The following MEGF10 variants were observed in gnomAD, a reference collection of about 807,000 sequenced individuals.
MEGF10 encodes the protein multiple EGF like domains 10, also known as multiple epidermal growth factor-like domains protein 10.
In MEGF10, 86 loss-of-function variants were observed where a neutral mutation model predicts 147.5. The ratio of observed to expected loss-of-function variants is 0.58; its 90% CI spans 0.49 to 0.70. The LOEUF is 0.70. Among genes scored for constraint, MEGF10 ranks in the 30% least tolerant of loss-of-function variants. The probability of loss-of-function intolerance (pLI) is 0.00; values close to 1 mark genes in which losing one functional copy is unlikely to be tolerated. For synonymous variants in MEGF10, 478 were observed against 525.5 expected (o/e 0.91, Z 1.24); for missense variants, 1,329 against 1,487.3 (o/e 0.89, Z 1.75).
At chr5:127,427,031 C>A (rs1358462842) in intron 13 of MEGF10, among the ~76,000 whole-genome samples, 3 of 152,194 alleles carry the variant, frequency 2.0e-5, no homozygotes, top group African/African-American at 7.2e-5. Flanking sequence ...AACTTTGATA[C>A]AAATTTGGAA....
At chr5:127,350,935 G>A (rs1431764106) in intron 4 of MEGF10, among the ~76,000 whole-genome samples, 2 of 147,386 alleles carry the variant, frequency 1.4e-5, no homozygotes. Flanking sequence ...TATTTGTGTT[G>A]AAAACAATTC....
Position 127,396,639 on chromosome 5 carries a change from C to T in MEGF10, c.520C>T (p.Arg174Trp), listed in dbSNP as rs756799749. 3.7e-6 allele frequency: 6 copies of T among 1,613,910 alleles called. No homozygotes were observed. Among genetic ancestry groups the T allele is most frequent in the Admixed American group, 3.3e-5 (2 of 60,010 alleles). Residue 174 changes from arginine (R) to tryptophan (W), a missense_variant, in exon 6 of 25, where the codon CGG becomes TGG. Coordinates refer to ENST00000503335, the MANE Select transcript of MEGF10 (RefSeq NM_001256545.2). ...TGACHCAAGF[R>W]GWRCEDRCEQ... ...GGCTTGCCACTGTGCTGCGGGCTTC[C>T]GGGGCTGGCGCTGCGAGGACCGCTG...
intron 12 of MEGF10, 130 bp downstream of exon 12, chr5:127,420,337 A>G: frequency 3.0e-6 from 3 of 986,138 alleles, no homozygotes; most frequent in Non-Finnish European, 4.4e-6. Context: ...TACTGGAAGA[A>G]TCCAGGTATT....
At chr5:127,360,417 G>A (rs1014831628) in intron 4 of MEGF10, among the ~76,000 whole-genome samples, 3 of 151,722 alleles carry the variant, frequency 2.0e-5, no homozygotes, top group African/African-American at 4.8e-5. Flanking sequence ...TATTTACATA[G>A]TCTGTAAATT....
At chr5:127,382,003 T>C (rs556886150) in intron 5 of MEGF10, among the ~76,000 whole-genome samples, 35 of 152,354 alleles carry the variant, frequency 2.3e-4, no homozygotes, top group African/African-American at 8.4e-4. Flanking sequence ...TCGGCGTCTG[T>C]CATGGCTATA....
At chr5:127,311,199 C>T (rs1446198355) in intron 1 of MEGF10, among the ~76,000 whole-genome samples, 1 of 152,156 alleles carries the variant, frequency 6.6e-6, no homozygotes. Flanking sequence ...GGATTATATT[C>T]TGTGTACAAA....
chr5:127,383,471 TAAATAA>T (rs1763326291), intron 5 of MEGF10, among the ~76,000 whole-genome samples: 1 of 151,848 alleles, frequency 6.6e-6, no homozygotes, highest in Admixed American at 6.6e-5. Flanking sequence ...AATAAATAAA[TAAATAA>T]AAATAAAAAG....
rs879726383 is a variant in MEGF10, at chr5:127,457,317, G to A, written c.3422G>A (p.Ter1141=). The change falls in exon 25 of 25, where the codon TGA becomes TAA. Residue 1141 remains the stop codon, a stop_retained_variant. Coordinates refer to ENST00000503335, the MANE Select transcript of MEGF10 (RefSeq NM_001256545.2). ...AGCAACAGCAGCAGCAGCAGTGAAT[G>A]ACACCAAAGGACCGCTTGGTAGCCA... ...SSSNSSSSSE[*] is the part of the protein sequence containing the mutation. 1 of 1,612,280 alleles carries A rather than the reference G, an allele frequency of 6.2e-7. No individual in the cohort carries two copies. The highest frequency in any genetic ancestry group is 1.1e-5 in the South Asian group (1 of 90,842).
At chr5:127,302,374 A>G (rs80026451) in intron 1 of MEGF10, among the ~76,000 whole-genome samples, 3,439 of 152,302 alleles carry the variant, frequency 0.023, 134 homozygotes, top group African/African-American at 0.078. Flanking sequence ...GCTAGACACA[A>G]AAGACCACAT....
At chr5:127,385,465 G>T (rs548157604) in intron 5 of MEGF10, among the ~76,000 whole-genome samples, 79 of 152,252 alleles carry the variant, frequency 5.2e-4, no homozygotes, top group Admixed American at 2.9e-3. Context: ...TAGAGATGGG[G>T]TTTCGCCATG....
chr5:127,373,444 G>A (rs867198249), intron 5 of MEGF10, among the ~76,000 whole-genome samples: 10 of 152,270 alleles, frequency 6.6e-5, no homozygotes, highest in Admixed American at 3.3e-4. Context: ...GAGCCACTGC[G>A]CCCAACCCAT....
At chr5:127,247,263 A>G in the MEGF10 span, among the ~76,000 whole-genome samples, 1 of 138,484 alleles carries the variant, frequency 7.2e-6, no homozygotes, top group South Asian at 2.4e-4. Flanking sequence ...ATTCCAAAAG[A>G]CAGCAAAGTG....
chr5:127,247,345 A>G, the MEGF10 span, among the ~76,000 whole-genome samples: 2,778 of 7,714 alleles, frequency 0.36, 137 homozygotes, highest in Middle Eastern at 0.44. Context: ...GAAGAAGAAG[A>G]AGAAGAAGAA....
At chr5:127,407,801 A>G (rs888553665) in intron 8 of MEGF10, among the ~76,000 whole-genome samples, 9 of 152,210 alleles carry the variant, frequency 5.9e-5, no homozygotes, top group African/African-American at 2.2e-4. Context: ...AGCCAATCAG[A>G]CAGGCATCAG....
chr5:127,439,571 CTA>C (rs1429234783), intron 17 of MEGF10, among the ~76,000 whole-genome samples: 3 of 152,164 alleles, frequency 2.0e-5, no homozygotes, highest in African/African-American at 7.2e-5. Flanking sequence ...GTTCGTATAT[CTA>C]TAAATATTGT....
intron 22 of MEGF10, among the ~76,000 whole-genome samples, chr5:127,453,076 C>A: frequency 6.6e-6 from 1 of 152,210 alleles, no homozygotes; most frequent in Non-Finnish European, 1.5e-5. Flanking sequence ...AACATCAGAA[C>A]TTGAGCTTAA....
At chr5:127,367,939 A>T (rs80236315) in intron 4 of MEGF10, among the ~76,000 whole-genome samples, 91 of 152,324 alleles carry the variant, frequency 6.0e-4, no homozygotes, top group South Asian at 2.7e-3. Context: ...CATCCAGAGC[A>T]TACCCTGCAC....
At chr5:127,408,859 T>C (rs1347360078) in intron 8 of MEGF10, among the ~76,000 whole-genome samples, 1 of 152,160 alleles carries the variant, frequency 6.6e-6, no homozygotes, top group East Asian at 1.9e-4. Flanking sequence ...GGAGCATCAC[T>C]TGAGTCTAGG....
At chr5:127,358,499 A>G (rs1253024960) in intron 4 of MEGF10, among the ~76,000 whole-genome samples, 1 of 148,604 alleles carries the variant, frequency 6.7e-6, no homozygotes, top group Non-Finnish European at 1.5e-5. Context: ...CAATATTTGT[A>G]AAAGAATTTA....
Sources: allele counts gnomAD v4.1 joint callset (sites outside exome capture counted in the v4.1 genomes callset), GRCh38; gene constraint gnomAD v4.1.1; transcripts MANE v1.5; gene names NCBI Gene and HGNC (gene_info 2026-07-23, HGNC 2026-07-21).